Variants in SLC13A3 observed in about 807,000 individuals in gnomAD.
SLC13A3 encodes Na(+)/dicarboxylate cotransporter 3.
A neutral mutation model predicts 59.0 loss-of-function variants in SLC13A3; 40 were observed. That is an observed-to-expected ratio of 0.68 (90% confidence interval 0.53 to 0.88). The LOEUF is 0.88. Among genes scored for constraint, SLC13A3 ranks in the 40% least tolerant of loss-of-function variants. SLC13A3 has a pLI of 0.00. For synonymous variants in SLC13A3, 317 were observed against 330.3 expected, an observed-to-expected ratio of 0.96 and a Z score of 0.44; for missense variants, 699 against 783.2, an observed-to-expected ratio of 0.89 and a Z score of 1.28.
At chr20:46,657,372 C>CAAAAATAAAAAAAAAAAAA (rs2063001435) in intron 1 of SLC13A3, among the ~76,000 whole-genome samples, 1 of 129,756 alleles carries the variant, frequency 7.7e-6, no homozygotes. Flanking sequence ...GAAAATGTCT[C>CAAAAATAAAAAAAAAAAAA]AAAAAAAAAA....
At chr20:46,596,712 G>A (rs1468855101) in intron 4 of SLC13A3, among the ~76,000 whole-genome samples, 2 of 152,192 alleles carry the variant, frequency 1.3e-5, no homozygotes, top group Non-Finnish European at 2.9e-5. Flanking sequence ...ATAAACTATA[G>A]TGAAAAGGCA....
intron 6 of SLC13A3, among the ~76,000 whole-genome samples, chr20:46,590,816 C>G (rs2062245538): frequency 6.6e-6 from 1 of 152,004 alleles, no homozygotes; most frequent in East Asian, 1.9e-4. Flanking sequence ...TATAAAAATG[C>G]TTGCTTCCTT....
rs1195931117 is a variant in SLC13A3, at chr20:46,610,610, C to T, written c.378-1G>A. ...GGTCACCATCATCCCCAGGATGAGCCTGCAGAGCAGATGGCATTAGAGGCA... is the reference window on the plus strand; with the variant it reads ...GGTCACCATCATCCCCAGGATGAGCTTGCAGAGCAGATGGCATTAGAGGCA... On this transcript the variant is annotated splice_acceptor_variant, in intron 2 of 12. Coordinates refer to ENST00000279027, the MANE Select transcript of SLC13A3 (RefSeq NM_022829.6). LOFTEE classifies it high-confidence loss of function. 1.9e-6 allele frequency: 3 copies of T among 1,611,100 alleles called. No homozygotes were observed. Among genetic ancestry groups the T allele is most frequent in the Non-Finnish European group, 2.5e-6 (3 of 1,178,638 alleles).
At chr20:46,585,800 A>T in intron 8 of SLC13A3, 2 of 1,279,542 alleles carry the variant, frequency 1.6e-6, no homozygotes, top group South Asian at 2.6e-5. Context: ...AAGAGCAACA[A>T]GAGCTTCATG....
intron 1 of SLC13A3, among the ~76,000 whole-genome samples, chr20:46,635,739 G>A (rs980564520): frequency 6.6e-6 from 1 of 152,204 alleles, no homozygotes; most frequent in African/African-American, 2.4e-5. Context: ...GTCACAGAAT[G>A]AGATAGGAGG....
intron 1 of SLC13A3, among the ~76,000 whole-genome samples, chr20:46,646,989 T>A (rs1466149372): frequency 1.3e-5 from 2 of 152,278 alleles, no homozygotes; most frequent in Non-Finnish European, 1.5e-5. Context: ...AAAGGGGGCC[T>A]CTGACCTTAC....
rs563318837 is a variant in SLC13A3 at position 46,613,824 on chromosome 20, G to A, written c.112-99C>T. ...GCAGAGGGGGAAGGAGGCCTGGGCT[G>A]GGGGCAGAGGGGGAAGGAGGCCTGC... On this transcript the variant is annotated intron_variant, in intron 1 of 12. Coordinates refer to ENST00000279027, the MANE Select transcript of SLC13A3 (RefSeq NM_022829.6). The A allele has an allele frequency of 8.9e-5, 94 of 1,059,186 alleles. No individual in the cohort carries two copies. In the African/African-American group the frequency reaches 1.4e-3, roughly 16 times the overall value. 65.6% of individuals were successfully genotyped at this position (1,059,186 alleles called of 1,614,324 possible). A position where few individuals can be genotyped will look rare whatever the true frequency, so the allele number is the denominator to read the frequency against.
chr20:46,589,392 G>A, intron 6 of SLC13A3, 137 bp from the exon 7 acceptor site: 3 of 662,148 alleles, frequency 4.5e-6, no homozygotes, highest in South Asian at 1.8e-5. Context: ...TTGTCTCCCT[G>A]CAACTGTCTT....
intron 9 of SLC13A3, among the ~76,000 whole-genome samples, chr20:46,582,121 C>A (rs1260350943): frequency 1.3e-5 from 2 of 151,826 alleles, no homozygotes; most frequent in Non-Finnish European, 1.5e-5. Flanking sequence ...GACCCCTGTT[C>A]CTACAAAAAA....
At chr20:46,618,337 A>G (rs537177830) in intron 1 of SLC13A3, among the ~76,000 whole-genome samples, 2 of 152,336 alleles carry the variant, frequency 1.3e-5, no homozygotes, top group South Asian at 4.1e-4. Flanking sequence ...CAAGGGCTAA[A>G]ACAGAGTTTA....
chr20:46,632,466 A>G (rs762219913), intron 1 of SLC13A3, among the ~76,000 whole-genome samples: 1,055 of 92,940 alleles, frequency 0.011, 13 homozygotes, highest in Admixed American at 0.014. Flanking sequence ...CCCAAGGGGG[A>G]AAAAAAAAAA....
chr20:46,570,603 C>T (rs440744), intron 10 of SLC13A3, among the ~76,000 whole-genome samples: 134,189 of 152,242 alleles, frequency 0.88, 59,439 homozygotes, highest in East Asian at 0.99. Flanking sequence ...GAGAGTGTCC[C>T]ACCACATATC....
chr20:46,644,768 A>G (rs764886502), intron 1 of SLC13A3, among the ~76,000 whole-genome samples: 37 of 152,158 alleles, frequency 2.4e-4, no homozygotes, highest in Non-Finnish European at 5.0e-4. Context: ...CAGGGTTTGC[A>G]TCCCAGGAAC....
intron 3 of SLC13A3, among the ~76,000 whole-genome samples, chr20:46,605,866 C>A (rs1008456555): frequency 6.6e-6 from 1 of 152,098 alleles, no homozygotes; most frequent in Admixed American, 6.5e-5. Context: ...ATTAGGTAAA[C>A]GGCAATCCAG....
At chr20:46,604,467 AT>A (rs979388566) in intron 3 of SLC13A3, among the ~76,000 whole-genome samples, 1 of 151,642 alleles carries the variant, frequency 6.6e-6, no homozygotes, top group African/African-American at 2.4e-5. Flanking sequence ...AAAAAGTTTG[AT>A]TTTTTTTCTT....
intron 2 of SLC13A3, among the ~76,000 whole-genome samples, chr20:46,611,408 G>T (rs1423568273): frequency 6.6e-6 from 1 of 152,048 alleles, no homozygotes; most frequent in Non-Finnish European, 1.5e-5. Flanking sequence ...TCTCATGTGG[G>T]CTCTCACACC....
chr20:46,656,196 T>C (rs902885683), upstream of SLC13A3, among the ~76,000 whole-genome samples: 1 of 143,696 alleles, frequency 7.0e-6, no homozygotes, highest in African/African-American at 2.5e-5. Flanking sequence ...TAATATAGAC[T>C]GCACAGTATA....
intron 9 of SLC13A3, among the ~76,000 whole-genome samples, chr20:46,578,010 A>T (rs13043064): frequency 1.1e-4 from 17 of 151,446 alleles, no homozygotes; most frequent in African/African-American, 2.4e-4. Flanking sequence ...TTATTTATTT[A>T]TTTTTTTTGA....
chr20:46,623,393 C>T (rs1301312630), intron 1 of SLC13A3, among the ~76,000 whole-genome samples: 1 of 152,108 alleles, frequency 6.6e-6, no homozygotes, highest in African/African-American at 2.4e-5. Context: ...CTTTTCTTTT[C>T]CTTTCCTCTC....
Sources: allele counts gnomAD v4.1 joint callset (sites outside exome capture counted in the v4.1 genomes callset), GRCh38; gene constraint gnomAD v4.1.1; transcripts MANE v1.5; gene names NCBI Gene and HGNC (gene_info 2026-07-23, HGNC 2026-07-21).